Variants in BRINP3 observed in about 807,000 individuals in gnomAD.
BRINP3 encodes the protein BMP/retinoic acid inducible neural specific 3, also known as BMP/retinoic acid-inducible neural-specific protein 3.
Under a neutral mutation model 71.0 loss-of-function variants are expected in BRINP3, and 19 were observed. The observed-to-expected ratio is 0.27, with a 90% CI of 0.19 to 0.39. BRINP3 has a LOEUF of 0.39. Ranked by LOEUF, BRINP3 falls within the 10% of genes least tolerant of loss-of-function variation. The pLI is 1.00. For synonymous variants in BRINP3, 380 were observed against 337.7 expected (o/e 1.13, Z -1.37); for missense variants, 959 against 940.8 (o/e 1.02, Z -0.25).
intron 4 of BRINP3, among the ~76,000 whole-genome samples, chr1:190,257,246 T>A (rs1318795004): frequency 6.6e-6 from 1 of 152,222 alleles, no homozygotes; most frequent in Non-Finnish European, 1.5e-5. Flanking sequence ...TGATCTTCAA[T>A]CATTGATACC....
chr1:190,244,267 T>A (rs1385617339), intron 4 of BRINP3, among the ~76,000 whole-genome samples: 3 of 151,804 alleles, frequency 2.0e-5, no homozygotes, highest in African/African-American at 7.3e-5. Flanking sequence ...GCAAAAAAAA[T>A]ATCTGTTGCC....
chr1:190,369,961 A>G lies in BRINP3; in HGVS notation c.236+84694T>C, dbSNP rs536488597. Among the ~76,000 whole-genome samples the G allele has an allele frequency of 3.0e-3, 457 of 152,312 alleles. 2 individuals are homozygous for G. Among genetic ancestry groups the G allele is most frequent in the Non-Finnish European group, 4.5e-3 (305 of 68,014 alleles). On this transcript the variant is annotated intron_variant, in intron 2 of 7. Coordinates refer to ENST00000367462, the MANE Select transcript of BRINP3 (RefSeq NM_199051.3). ...CTGATTTATTAAATATTTTAAACTC[A>G]TTATGGAGTTGGTCACTGAAGACTC... is the stretch of plus-strand genomic sequence containing the variant.
At chr1:190,434,992 G>A (rs1290022580) in intron 2 of BRINP3, among the ~76,000 whole-genome samples, 1 of 152,094 alleles carries the variant, frequency 6.6e-6, no homozygotes, top group Non-Finnish European at 1.5e-5. Flanking sequence ...AAGACTTCAT[G>A]CTGCTTCATG....
chr1:190,255,878 C>A (rs562347356), intron 4 of BRINP3, among the ~76,000 whole-genome samples: 1 of 151,756 alleles, frequency 6.6e-6, no homozygotes, highest in South Asian at 2.1e-4. Context: ...GATTTTAGAT[C>A]TTTCCTGCTT....
intron 6 of BRINP3, among the ~76,000 whole-genome samples, chr1:190,192,498 A>G (rs1365694820): frequency 6.6e-6 from 1 of 151,778 alleles, no homozygotes. Context: ...GCATGTGCCA[A>G]CATGTCCTGT....
chr1:190,325,760 T>C (rs1406810910), intron 2 of BRINP3, among the ~76,000 whole-genome samples: 1 of 152,130 alleles, frequency 6.6e-6, no homozygotes, highest in Non-Finnish European at 1.5e-5. Flanking sequence ...CTTTGTCATT[T>C]GCACTGCCCT....
intron 2 of BRINP3, among the ~76,000 whole-genome samples, chr1:190,369,283 GATAAT>G (rs1669706507): frequency 2.0e-5 from 3 of 152,120 alleles, no homozygotes; most frequent in Admixed American, 1.3e-4. Flanking sequence ...TAGAATTAGT[GATAAT>G]ATATTATTCT....
chr1:190,335,389 A>G (rs1053032223), intron 2 of BRINP3, among the ~76,000 whole-genome samples: 2 of 151,948 alleles, frequency 1.3e-5, no homozygotes, highest in Non-Finnish European at 2.9e-5. Flanking sequence ...TCTTGAAGTC[A>G]TAAATAATAG....
intron 7 of BRINP3, among the ~76,000 whole-genome samples, chr1:190,140,384 T>C (rs1655333891): frequency 6.6e-6 from 1 of 152,112 alleles, no homozygotes; most frequent in Non-Finnish European, 1.5e-5. Context: ...CTATTATTAT[T>C]ATATGTTTAT....
chr1:190,114,139 G>A (rs1403760461), intron 7 of BRINP3, among the ~76,000 whole-genome samples: 1 of 152,102 alleles, frequency 6.6e-6, no homozygotes, highest in Non-Finnish European at 1.5e-5. Flanking sequence ...CATGGAATCT[G>A]GCCCTGTAGA....
chr1:190,253,385 C>T lies in BRINP3; in HGVS notation c.618+11480G>A, dbSNP rs1660330780. Among the ~76,000 whole-genome samples, 2 of 152,162 alleles carry T rather than the reference C, an allele frequency of 1.3e-5. 1 individual carries two copies. Among genetic ancestry groups the T allele is most frequent in the South Asian group, 4.1e-4 (2 of 4,832 alleles). On this transcript the variant is annotated intron_variant, in intron 4 of 7. Coordinates refer to ENST00000367462, the MANE Select transcript of BRINP3 (RefSeq NM_199051.3). Reference sequence around the variant, plus strand: ...ACAATGGTTGAACTAGTTTACACTCCCATCAACAGTGTAAAAGCATTCCTA... The same window carrying T: ...ACAATGGTTGAACTAGTTTACACTCTCATCAACAGTGTAAAAGCATTCCTA...
chr1:190,413,200 T>G (rs1428092474), intron 2 of BRINP3, among the ~76,000 whole-genome samples: 1 of 152,160 alleles, frequency 6.6e-6, no homozygotes, highest in Non-Finnish European at 1.5e-5. Context: ...TGTGCGTGTG[T>G]GTGTGTATGT....
At chr1:190,275,325 A>T (rs1184182371) in intron 3 of BRINP3, among the ~76,000 whole-genome samples, 1 of 151,568 alleles carries the variant, frequency 6.6e-6, no homozygotes, top group Non-Finnish European at 1.5e-5. Flanking sequence ...AGAACAGTTG[A>T]TTATACCTTA....
At chr1:190,346,494 A>C (rs938785028) in intron 2 of BRINP3, among the ~76,000 whole-genome samples, 1 of 151,896 alleles carries the variant, frequency 6.6e-6, no homozygotes, top group Non-Finnish European at 1.5e-5. Context: ...TTTCGTTTTT[A>C]AAAAAACTCT....
At chr1:190,350,037 C>A (rs1219006101) in intron 2 of BRINP3, among the ~76,000 whole-genome samples, 1 of 151,908 alleles carries the variant, frequency 6.6e-6, no homozygotes, top group African/African-American at 2.4e-5. Context: ...AAGTCAGAGG[C>A]CAGAATTAAC....
chr1:190,294,367 C>G (rs1293713817), intron 2 of BRINP3, among the ~76,000 whole-genome samples: 1 of 151,654 alleles, frequency 6.6e-6, no homozygotes, highest in Non-Finnish European at 1.5e-5. Flanking sequence ...TCAAGTGATC[C>G]TCCCAGCTCA....
chr1:190,376,718 A>G (rs1041898164), intron 2 of BRINP3, among the ~76,000 whole-genome samples: 1 of 152,082 alleles, frequency 6.6e-6, no homozygotes, highest in Non-Finnish European at 1.5e-5. Flanking sequence ...ATTAATTGAT[A>G]GTGAATCTAT....
At chr1:190,355,611 TA>T (rs1668677165) in intron 2 of BRINP3, among the ~76,000 whole-genome samples, 1 of 151,936 alleles carries the variant, frequency 6.6e-6, no homozygotes, top group African/African-American at 2.4e-5. Context: ...AAATTTTTCT[TA>T]ATTTTTTAAT....
At chr1:190,279,504 A>T (rs1662876845) in intron 3 of BRINP3, among the ~76,000 whole-genome samples, 1 of 151,898 alleles carries the variant, frequency 6.6e-6, no homozygotes, top group Admixed American at 6.6e-5. Flanking sequence ...GGGAGGGAGA[A>T]TCAGGATTCA....
Sources: allele counts gnomAD v4.1 joint callset (sites outside exome capture counted in the v4.1 genomes callset), GRCh38; gene constraint gnomAD v4.1.1; transcripts MANE v1.5; gene names NCBI Gene and HGNC (gene_info 2026-07-23, HGNC 2026-07-21).